Variants in TASOR observed in about 807,000 individuals in gnomAD.
TASOR encodes protein TASOR.
A neutral mutation model predicts 178.6 loss-of-function variants in TASOR; 53 were observed. That is an observed-to-expected ratio of 0.30 (90% CI 0.24 to 0.37). The LOEUF is 0.37. Among genes scored for constraint, TASOR ranks in the 10% least tolerant of loss-of-function variants. TASOR has a pLI of 1.00. For synonymous variants in TASOR, 713 were observed against 696.2 expected (o/e 1.02, Z -0.38); for missense variants, 1,815 against 1,971.4 (o/e 0.92, Z 1.50).
Position 56,663,549 on chromosome 3 carries a change from C to A in TASOR, c.1046G>T (p.Arg349Ile). Residue 349 changes from arginine (R) to isoleucine (I), a missense_variant, in exon 8 of 24, where the codon AGA becomes ATA. Physicochemically the swap from Arg to Ile is moderately conservative, Grantham distance 97. Around this residue, in one of 5 missense-constraint regions of TASOR, gnomAD observed 504 missense variants for 645.3 expected, o/e 0.78. Coordinates refer to ENST00000683822, the MANE Select transcript of TASOR (RefSeq NM_001365635.2). ...SSRSNSFNTD[R>I]NIDKYNYTLW... ...AAACATAAATCTCTTACCTATGTTTCTATCTGTATTAAAGCTGTTAGATCT... is the reference window on the plus strand; with the variant it reads ...AAACATAAATCTCTTACCTATGTTTATATCTGTATTAAAGCTGTTAGATCT... 8.5e-7 allele frequency: 1 copy of A among 1,173,834 alleles called. No homozygotes were observed. Among genetic ancestry groups the A allele is most frequent in the South Asian group, 1.5e-5 (1 of 67,524 alleles). The allele number at this position is 1,173,834 out of a possible 1,614,324, so 72.7% of individuals were successfully genotyped here.
chr3:56,653,022 TG>T (rs1289953487), intron 11 of TASOR, among the ~76,000 whole-genome samples: 1 of 152,024 alleles, frequency 6.6e-6, no homozygotes, highest in African/African-American at 2.4e-5. Flanking sequence ...CCCAGCACTT[TG>T]GGAGGCCGAG....
At chr3:56,636,732 A>G (rs57182037) in intron 17 of TASOR, among the ~76,000 whole-genome samples, 1 of 152,228 alleles carries the variant, frequency 6.6e-6, no homozygotes, top group African/African-American at 2.4e-5. Flanking sequence ...AAATAATTGC[A>G]GTATTTTAAC....
intron 14 of TASOR, 90 bp downstream of exon 14, chr3:56,646,432 C>T: frequency 9.5e-7 from 1 of 1,057,540 alleles, no homozygotes; most frequent in Non-Finnish European, 1.4e-6. Context: ...TGAATTTGAC[C>T]CTCAGGCTTT....
At chr3:56,624,278 T>C (rs573580879) in intron 23 of TASOR, among the ~76,000 whole-genome samples, 2 of 152,278 alleles carry the variant, frequency 1.3e-5, no homozygotes, top group South Asian at 4.1e-4. Flanking sequence ...AACTTACAAC[T>C]TACACTGGCT....
chr3:56,671,932 C>A (rs970063846), intron 2 of TASOR, among the ~76,000 whole-genome samples: 7 of 152,056 alleles, frequency 4.6e-5, no homozygotes, highest in Non-Finnish European at 1.0e-4. Flanking sequence ...TATAATTTTA[C>A]CACATTCCAA....
At chr3:56,651,478 G>A (rs2107589157) in intron 11 of TASOR, among the ~76,000 whole-genome samples, 1 of 152,180 alleles carries the variant, frequency 6.6e-6, no homozygotes, top group East Asian at 1.9e-4. Flanking sequence ...GAGGAGGATT[G>A]CTTGAAGCCA....
chr3:56,668,081 AGGTTTCAAAATGAAATGAGGT>A, intron 6 of TASOR, among the ~76,000 whole-genome samples: 1 of 152,206 alleles, frequency 6.6e-6, no homozygotes, highest in Admixed American at 6.5e-5. Context: ...GGAAATGCCA[AGGTTTCAAAATGAAATGAGGT>A]GTGTTGAGGG....
In TASOR at chr3:56,633,555, T is replaced by C. The variant is rs772900000; in HGVS notation, c.3236A>G (p.Asp1079Gly). 2 of 1,614,116 alleles carry C rather than the reference T, an allele frequency of 1.2e-6. No individual in the cohort carries two copies. The highest frequency in any genetic ancestry group is 1.7e-6 in the Non-Finnish European group (2 of 1,180,026). The change falls in exon 18 of 24, where the codon GAT (aspartate) becomes GGT (glycine). Residue 1079 changes from aspartate (D) to glycine (G), a missense_variant. By Grantham distance (94) the Asp-to-Gly change is moderately conservative. Around this residue, in one of 5 missense-constraint regions of TASOR, gnomAD observed 655 missense variants for 671.1 expected, o/e 0.98. Coordinates refer to ENST00000683822, the MANE Select transcript of TASOR (RefSeq NM_001365635.2). ...TSKAGVQEFV[D>G]GLHEKLNTII... ...AGTATTTAGCTTCTCATGCAAACCA[T>C]CTACAAACTCCTGCACACCAGCTTT...
Position 56,620,586 on chromosome 3 carries a change from A to AGAT in TASOR, c.*2448_*2450dup, listed in dbSNP as rs1491103211. ...CCTCTGCATTTCAAAATGTTGACTC[A>AGAT]GATGTTTTTCCCTCTACAGAACTAG... On this transcript the variant is annotated 3_prime_UTR_variant, in exon 24 of 24. Coordinates refer to ENST00000683822, the MANE Select transcript of TASOR (RefSeq NM_001365635.2). The AGAT allele has an allele frequency of 6.6e-6, 1 of 152,094 alleles. No homozygotes were observed. The highest frequency in any genetic ancestry group is 1.9e-4 in the East Asian group (1 of 5,202). The allele number at this position is 152,094 out of a possible 1,614,324, so 9.4% of individuals were successfully genotyped here.
At chr3:56,640,750 T>G in intron 15 of TASOR, among the ~76,000 whole-genome samples, 1 of 152,116 alleles carries the variant, frequency 6.6e-6, no homozygotes, top group Non-Finnish European at 1.5e-5. Context: ...CTAGAACTAT[T>G]CCCCAGTGAT....
rs372832038 is a variant in TASOR, at chr3:56,671,711, A to T, written c.478-19T>A. On this transcript the variant is annotated intron_variant, in intron 2 of 23. Transcript: ENST00000683822. ...CTGTAAACTAAATGAAATTAAAACT[A>T]TAACAACTACTTAGCATGTGATTAT... The T allele has an allele frequency of 3.8e-5, 57 of 1,497,682 alleles. No homozygotes were observed. The African/African-American group carries it at 6.0e-4, about 16-fold the overall frequency. The allele number at this position is 1,497,682 out of a possible 1,614,324, so 92.8% of individuals were successfully genotyped here.
chr3:56,638,107 G>A (rs1329398683), intron 17 of TASOR, among the ~76,000 whole-genome samples: 1 of 152,202 alleles, frequency 6.6e-6, no homozygotes, highest in Non-Finnish European at 1.5e-5. Flanking sequence ...GCTCAAGCCT[G>A]TAATCCCAGC....
rs904143388 is a variant in TASOR at position 56,622,514 on chromosome 3, A to G, written c.*523T>C. 1.3e-5 allele frequency: 2 copies of G among 152,470 alleles called. No individual in the cohort carries two copies. The highest frequency in any genetic ancestry group is 2.9e-5 in the Non-Finnish European group (2 of 68,024). The allele number at this position is 152,470 out of a possible 1,614,324, so 9.4% of individuals were successfully genotyped here. A position where few individuals can be genotyped will look rare whatever the true frequency, so the allele number is the denominator to read the frequency against. On this transcript the variant is annotated 3_prime_UTR_variant, in exon 24 of 24. Coordinates refer to ENST00000683822, the MANE Select transcript of TASOR (RefSeq NM_001365635.2). Reference sequence around the variant, plus strand: ...TTTTTACATGACTAAGCCTAGAGATAAAAAATGTGTCCTATGTACATAGTT... The same window carrying G: ...TTTTTACATGACTAAGCCTAGAGATGAAAAATGTGTCCTATGTACATAGTT...
intron 21 of TASOR, 132 bp from the exon 22 acceptor site, chr3:56,625,138 T>C (rs1403946741): frequency 3.9e-6 from 3 of 768,132 alleles, no homozygotes; most frequent in African/African-American, 3.5e-5. Context: ...GCTCTCTGCC[T>C]GATGTAGGGG....
Position 56,660,929 on chromosome 3 carries a change from A to T in TASOR, c.1249T>A (p.Leu417Ile). The change falls in exon 10 of 24, where the codon TTA (leucine) becomes ATA (isoleucine). Residue 417 changes from leucine to isoleucine, a missense_variant. Transcript: ENST00000683822. ...ATTACCTTACCTTCATTTGGACCTA[A>T]GTATGTTTCCTTATAAAACAGTGCT... ...PPALFYKETY[L>I]GPNEVLKNGM... is the part of the protein sequence containing the mutation. 6.2e-7 allele frequency: 1 copy of T among 1,611,868 alleles called. No individual in the cohort carries two copies. The highest frequency in any genetic ancestry group is 1.3e-5 in the African/African-American group (1 of 74,986).
At chr3:56,680,718 T>C (rs2031707030) in intron 1 of TASOR, among the ~76,000 whole-genome samples, 3 of 152,296 alleles carry the variant, frequency 2.0e-5, no homozygotes, top group Admixed American at 2.0e-4. Flanking sequence ...TTTTACTATT[T>C]GAACAGCTGG....
chr3:56,659,272 G>C, intron 11 of TASOR, among the ~76,000 whole-genome samples: 1 of 152,178 alleles, frequency 6.6e-6, no homozygotes. Context: ...TGTAAAACTT[G>C]TATTAAATGG....
At chr3:56,666,438 T>C (rs2029982609) in intron 6 of TASOR, 54 bp from the exon 7 acceptor site, 7 of 1,301,842 alleles carry the variant, frequency 5.4e-6, no homozygotes, top group Non-Finnish European at 7.1e-6. Flanking sequence ...GGTGAAACCT[T>C]ATATTTAACT....
intron 14 of TASOR, among the ~76,000 whole-genome samples, chr3:56,644,695 G>T (rs1183212253): frequency 7.4e-6 from 1 of 134,548 alleles, no homozygotes; most frequent in Non-Finnish European, 1.6e-5. Context: ...GTGCAAGAAG[G>T]TAGTAAGTCA....
Sources: gnomAD v4.1 joint callset for allele counts (sites outside exome capture counted in the v4.1 genomes callset) on GRCh38, gnomAD v4.1.1 for gene constraint, gnomAD v4.1.1 regional missense constraint, MANE v1.5 for transcripts, NCBI Gene and HGNC (gene_info 2026-07-23, HGNC 2026-07-21) for gene names.